The following RASSF8 variants were observed in gnomAD, a reference collection of about 807,000 sequenced individuals.
The protein encoded by RASSF8 is ras association domain-containing protein 8.
In RASSF8, 22 loss-of-function variants were observed where a neutral mutation model predicts 48.5. The observed-to-expected ratio is 0.45, with a 90% CI of 0.32 to 0.65. The LOEUF (loss-of-function observed/expected upper bound fraction) is 0.65, where lower values mean the gene tolerates loss of function less well. RASSF8 is among the 30% of genes least tolerant of loss of function. The pLI is 0.03. For missense variants in RASSF8, 418 were observed against 489.2 expected (o/e 0.85, Z 1.37); for synonymous variants, 127 against 171.5 (o/e 0.74, Z 2.03).
At chr12:25,973,185 T>G (rs975247651) in intron 1 of RASSF8, among the ~76,000 whole-genome samples, 3 of 150,280 alleles carry the variant, frequency 2.0e-5, no homozygotes, top group African/African-American at 7.4e-5. Flanking sequence ...AAATATTCTG[T>G]AATCATAAAA....
intron 4 of RASSF8, 139 bp downstream of exon 4, chr12:26,065,526 T>C: frequency 8.8e-7 from 1 of 1,140,478 alleles, no homozygotes; most frequent in Non-Finnish European, 1.2e-6. Flanking sequence ...TGTCGAACTC[T>C]TGTGACTTAC....
At chr12:25,972,530 A>G (rs2136868051) in intron 1 of RASSF8, among the ~76,000 whole-genome samples, 1 of 152,352 alleles carries the variant, frequency 6.6e-6, no homozygotes, top group East Asian at 1.9e-4. Flanking sequence ...TATAGGCTCC[A>G]GATGAACTGT....
chr12:25,978,444 A>G (rs950047426), intron 1 of RASSF8, among the ~76,000 whole-genome samples: 1 of 152,232 alleles, frequency 6.6e-6, no homozygotes, highest in Admixed American at 6.5e-5. Context: ...TACTACATAT[A>G]AATATGTTAA....
chr12:26,070,017 T>G lies in RASSF8; in HGVS notation c.*1199T>G. ...AAAACCAAATATGACTCAACACCTT[T>G]TTGATGAGTAGTGACTTAACTAAGA... On this transcript the variant is annotated 3_prime_UTR_variant, in exon 6 of 6. Coordinates refer to ENST00000689635, the MANE Select transcript of RASSF8 (RefSeq NM_001394098.1). 1.0e-6 allele frequency: 1 copy of G among 978,566 alleles called. No individual in the cohort carries two copies. The highest frequency in any genetic ancestry group is 1.7e-5 in the African/African-American group (1 of 57,188). 60.6% of individuals were successfully genotyped at this position (978,566 alleles called of 1,614,324 possible).
At chr12:26,040,153 A>G (rs977891680) in intron 2 of RASSF8, among the ~76,000 whole-genome samples, 1 of 151,932 alleles carries the variant, frequency 6.6e-6, no homozygotes, top group African/African-American at 2.4e-5. Flanking sequence ...TGGTTGAATC[A>G]TAACTTTAAA....
intron 1 of RASSF8, among the ~76,000 whole-genome samples, chr12:25,967,303 G>A (rs771642197): frequency 1.3e-5 from 2 of 151,662 alleles, no homozygotes; most frequent in Non-Finnish European, 2.9e-5. Flanking sequence ...TTTGTTATTT[G>A]CTCTCTGTTA....
chr12:26,074,478 G>A (rs1303383446), downstream of RASSF8, among the ~76,000 whole-genome samples: 1 of 151,920 alleles, frequency 6.6e-6, no homozygotes. Flanking sequence ...GAGTAGCTGG[G>A]ATTACAGGCG....
downstream of RASSF8, among the ~76,000 whole-genome samples, chr12:26,076,609 T>C (rs540211990): frequency 3.9e-4 from 59 of 152,252 alleles, no homozygotes; most frequent in African/African-American, 1.4e-3. Flanking sequence ...CCTTTTTTTA[T>C]GGCTGCATAG....
At chr12:26,026,207 AT>A (rs1218848951) in intron 2 of RASSF8, among the ~76,000 whole-genome samples, 1 of 152,232 alleles carries the variant, frequency 6.6e-6, no homozygotes, top group Non-Finnish European at 1.5e-5. Context: ...TAATGGGAAA[AT>A]ATTTGCAAAT....
At position 26,068,699 on chromosome 12, in the gene RASSF8, G is replaced by T; in HGVS notation, c.1141G>T (p.Ala381Ser). The change falls in exon 6 of 6, where the codon GCA becomes TCA. Residue 381 changes from alanine (A) to serine (S), a missense_variant and splice_region_variant. Coordinates refer to ENST00000689635, the MANE Select transcript of RASSF8 (RefSeq NM_001394098.1). ...EASHADIERE[A>S]PFQSGSLKRP... The stretch of plus-strand genomic sequence containing the variant: ...GGCTCTCTTTGTTTCCTGTTTAGAG[G>T]CACCATTCCAGTCTGGGTCCCTGAA... The T allele has an allele frequency of 6.5e-7, 1 of 1,536,824 alleles. No individual in the cohort carries two copies. Among genetic ancestry groups the T allele is most frequent in the Non-Finnish European group, 8.7e-7 (1 of 1,146,468 alleles).
chr12:26,002,127 TTACAA>T lies in RASSF8; in HGVS notation c.-109+7000_-109+7004del, dbSNP rs556080464. 3.9e-4 allele frequency among the ~76,000 whole-genome samples: 60 copies of T among 152,352 alleles called. 2 individuals carry two copies. In the South Asian group the frequency reaches 0.012, roughly 31 times the overall value. On this transcript the variant is annotated intron_variant, in intron 2 of 5. Transcript: ENST00000689635. ...CATGACTGTATGACATAGTATATAATTACAATATATAACAAATAGAGTTGGTTGGG... is the reference window on the plus strand; with the variant it reads ...CATGACTGTATGACATAGTATATAATTATATAACAAATAGAGTTGGTTGGG...
intron 3 of RASSF8, among the ~76,000 whole-genome samples, chr12:26,056,646 G>A (rs1186369901): frequency 6.6e-6 from 1 of 152,220 alleles, no homozygotes; most frequent in Non-Finnish European, 1.5e-5. Context: ...GAGGTTTACA[G>A]TGCCCTATAC....
intron 1 of RASSF8, among the ~76,000 whole-genome samples, chr12:25,971,923 T>G (rs1941495117): frequency 6.6e-6 from 1 of 152,230 alleles, no homozygotes; most frequent in Admixed American, 6.5e-5. Flanking sequence ...TTGCTTTCCC[T>G]GCTAGACTTT....
At chr12:25,979,182 A>G (rs1012645126) in intron 1 of RASSF8, among the ~76,000 whole-genome samples, 22 of 152,164 alleles carry the variant, frequency 1.4e-4, no homozygotes, top group African/African-American at 5.1e-4. Context: ...ACACGTTGGT[A>G]GTTGAAGACC....
At chr12:25,990,195 A>T (rs1941982228) in intron 1 of RASSF8, among the ~76,000 whole-genome samples, 1 of 152,216 alleles carries the variant, frequency 6.6e-6, no homozygotes, top group South Asian at 2.1e-4. Context: ...AAGTAAAAAA[A>T]ATTACAGCCA....
chr12:26,048,852 A>G (rs1354671911), intron 2 of RASSF8, among the ~76,000 whole-genome samples: 1 of 151,796 alleles, frequency 6.6e-6, no homozygotes, highest in African/African-American at 2.4e-5. Context: ...CTCTCATGTT[A>G]AAGCGATTCT....
rs1944004713 is a variant in RASSF8, at chr12:26,071,735, T to C, written c.*2917T>C. 1 of 983,720 alleles carries C rather than the reference T, an allele frequency of 1.0e-6. No individual in the cohort carries two copies. The highest frequency in any genetic ancestry group is 1.2e-6 in the Non-Finnish European group (1 of 828,380). The allele number at this position is 983,720 out of a possible 1,614,324, so 60.9% of individuals were successfully genotyped here. A position where few individuals can be genotyped will look rare whatever the true frequency, so the allele number is the denominator to read the frequency against. On this transcript the variant is annotated 3_prime_UTR_variant, in exon 6 of 6. Coordinates refer to ENST00000689635, the MANE Select transcript of RASSF8 (RefSeq NM_001394098.1). ...ATTCTCCCAGTCATCAATGAGGTAA[T>C]CATCAATTCCTATAGTTCAAATTAG...
At chr12:25,966,670 T>C (rs1381583702) in intron 1 of RASSF8, among the ~76,000 whole-genome samples, 2 of 152,248 alleles carry the variant, frequency 1.3e-5, no homozygotes, top group African/African-American at 4.8e-5. Flanking sequence ...AGAATTCTTA[T>C]ATATTTTGAA....
At chr12:26,079,110 T>C in exon 6 of RASSF8, 1 of 1,454,796 alleles carries the variant, frequency 6.9e-7, no homozygotes, top group Non-Finnish European at 9.3e-7. Context: ...AAAGCAAAAA[T>C]GAACAAGTGG....
Sources: allele counts gnomAD v4.1 joint callset (sites outside exome capture counted in the v4.1 genomes callset), GRCh38; gene constraint gnomAD v4.1.1; transcripts MANE v1.5; gene names NCBI Gene and HGNC (gene_info 2026-07-23, HGNC 2026-07-21).